The following ZNF385D variants were observed in gnomAD, a reference collection of about 807,000 sequenced individuals.
ZNF385D encodes zinc finger protein 659.
ZNF385D carries 15 observed loss-of-function variants against 35.8 expected under a neutral mutation model. The ratio of observed to expected loss-of-function variants is 0.42; its 90% CI spans 0.28 to 0.64. The LOEUF (loss-of-function observed/expected upper bound fraction) is 0.64, where lower values mean the gene tolerates loss of function less well. Among genes scored for constraint, ZNF385D ranks in the 30% least tolerant of loss-of-function variants. The pLI is 0.23. For missense variants in ZNF385D, 474 were observed against 494.6 expected, an observed-to-expected ratio of 0.96 and a Z score of 0.39; for synonymous variants, 212 against 186.8, an observed-to-expected ratio of 1.13 and a Z score of -1.10.
At chr3:21,962,399 A>G (rs2125321484) in intron 3 of ZNF385D, among the ~76,000 whole-genome samples, 1 of 152,314 alleles carries the variant, frequency 6.6e-6, no homozygotes, top group South Asian at 2.1e-4. Flanking sequence ...CTTATGGAGA[A>G]AAGTTCACTG....
intron 2 of ZNF385D, among the ~76,000 whole-genome samples, chr3:22,253,811 G>A (rs1700179182): frequency 6.8e-6 from 1 of 147,974 alleles, no homozygotes; most frequent in South Asian, 2.1e-4. Context: ...GCCAAACATT[G>A]CTATAACAAG....
intron 1 of ZNF385D, among the ~76,000 whole-genome samples, chr3:21,677,231 G>C (rs920834715): frequency 6.6e-6 from 1 of 152,038 alleles, no homozygotes; most frequent in East Asian, 1.9e-4. Context: ...GCTTTTGGGA[G>C]GGTCCCTGGG....
intron 1 of ZNF385D, among the ~76,000 whole-genome samples, chr3:21,697,821 A>C (rs536903993): frequency 6.6e-6 from 1 of 152,292 alleles, no homozygotes; most frequent in African/African-American, 2.4e-5. Flanking sequence ...AAAGGACATA[A>C]AAGCGACCTG....
chr3:21,808,682 C>G lies in ZNF385D; in HGVS notation c.326-143654G>C, dbSNP rs145022492. Reference sequence around the variant, plus strand: ...AGGGGCAAATCACCTCTTTTCCCAACTAGAGAGTAGGGGAAGGGTTATGGA... The same window carrying G: ...AGGGGCAAATCACCTCTTTTCCCAAGTAGAGAGTAGGGGAAGGGTTATGGA... On this transcript the variant is annotated intron_variant, in intron 3 of 5. Transcript: ENST00000494108. 1.1e-3 allele frequency among the ~76,000 whole-genome samples: 167 copies of G among 152,304 alleles called. 1 individual carries two copies. Among genetic ancestry groups the G allele is most frequent in the Non-Finnish European group, 2.1e-3 (142 of 68,036 alleles).
intron 3 of ZNF385D, among the ~76,000 whole-genome samples, chr3:21,833,006 T>C (rs1007141174): frequency 2.6e-5 from 4 of 152,172 alleles, no homozygotes; most frequent in African/African-American, 9.6e-5. Flanking sequence ...CCACAGCTTC[T>C]TTCCAATGGT....
At chr3:21,928,942 AC>A (rs1355773611) in intron 3 of ZNF385D, among the ~76,000 whole-genome samples, 10 of 152,194 alleles carry the variant, frequency 6.6e-5, no homozygotes, top group Admixed American at 3.9e-4. Context: ...CTTCAAGGAA[AC>A]AGAGAAGGTG....
intron 3 of ZNF385D, among the ~76,000 whole-genome samples, chr3:21,820,615 C>T (rs1213857739): frequency 6.7e-6 from 1 of 149,936 alleles, no homozygotes; most frequent in Non-Finnish European, 1.5e-5. Flanking sequence ...AATAAAGATA[C>T]ATGAAAAATA....
At chr3:22,021,512 C>T (rs549573667) in intron 3 of ZNF385D, among the ~76,000 whole-genome samples, 4 of 152,192 alleles carry the variant, frequency 2.6e-5, no homozygotes, top group African/African-American at 4.8e-5. Context: ...CCACCGCTAA[C>T]TATATTTATG....
At chr3:21,877,043 C>T (rs1329589716) in intron 3 of ZNF385D, among the ~76,000 whole-genome samples, 2 of 152,052 alleles carry the variant, frequency 1.3e-5, no homozygotes, top group African/African-American at 2.4e-5. Context: ...TGCAGTAAAA[C>T]ACCATTACTG....
At chr3:22,033,638 C>A (rs1358584295) in intron 3 of ZNF385D, among the ~76,000 whole-genome samples, 2 of 151,842 alleles carry the variant, frequency 1.3e-5, no homozygotes, top group Non-Finnish European at 2.9e-5. Flanking sequence ...AAACTAAAAT[C>A]ACTCGATGAA....
chr3:21,582,120 A>C (rs576072554), intron 2 of ZNF385D, among the ~76,000 whole-genome samples: 11 of 152,162 alleles, frequency 7.2e-5, no homozygotes, highest in Non-Finnish European at 1.2e-4. Flanking sequence ...ATGGTATCCT[A>C]TATGTTATAG....
intron 3 of ZNF385D, among the ~76,000 whole-genome samples, chr3:21,948,259 GAAAC>G (rs1292608225): frequency 1.3e-5 from 2 of 151,516 alleles, no homozygotes; most frequent in Non-Finnish European, 2.9e-5. Context: ...TAATTTAAGA[GAAAC>G]AAAGCATTCC....
intron 1 of ZNF385D, among the ~76,000 whole-genome samples, chr3:21,706,831 G>C (rs1188621063): frequency 9.1e-6 from 1 of 109,510 alleles, no homozygotes; most frequent in Non-Finnish European, 1.9e-5. Context: ...TAGATAGATA[G>C]ATAGATAGAT....
At chr3:22,145,326 T>TA (rs1445116806) in intron 3 of ZNF385D, among the ~76,000 whole-genome samples, 18 of 152,214 alleles carry the variant, frequency 1.2e-4, no homozygotes, top group African/African-American at 4.3e-4. Flanking sequence ...ATGTTGAAGA[T>TA]ACAGAGGTTA....
chr3:21,988,419 T>C (rs1233153623), intron 3 of ZNF385D, among the ~76,000 whole-genome samples: 1 of 130,806 alleles, frequency 7.6e-6, no homozygotes, highest in Non-Finnish European at 1.7e-5. Context: ...TCTGTTGGAA[T>C]ACCCTGCCGT....
intron 3 of ZNF385D, among the ~76,000 whole-genome samples, chr3:22,022,577 G>A (rs2125458057): frequency 6.6e-6 from 1 of 152,228 alleles, no homozygotes; most frequent in African/African-American, 2.4e-5. Context: ...ATAAATTCCT[G>A]TTTGGCAAAT....
intron 3 of ZNF385D, among the ~76,000 whole-genome samples, chr3:21,862,278 G>A (rs569756677): frequency 3.3e-5 from 5 of 150,266 alleles, no homozygotes; most frequent in South Asian, 2.1e-4. Context: ...AAGTACTTGA[G>A]GCAGGATATC....
intron 3 of ZNF385D, among the ~76,000 whole-genome samples, chr3:21,841,381 A>T (rs2125787400): frequency 6.6e-6 from 1 of 152,110 alleles, no homozygotes; most frequent in Admixed American, 6.6e-5. Flanking sequence ...GATCCTTTGA[A>T]TTCTCCTGAG....
At chr3:21,898,124 T>C (rs1699226845) in intron 3 of ZNF385D, among the ~76,000 whole-genome samples, 1 of 152,186 alleles carries the variant, frequency 6.6e-6, no homozygotes, top group Non-Finnish European at 1.5e-5. Flanking sequence ...TCCATCCCTC[T>C]AGCATTTAAG....
Sources: allele counts gnomAD v4.1 joint callset (sites outside exome capture counted in the v4.1 genomes callset), GRCh38; gene constraint gnomAD v4.1.1; transcripts MANE v1.5; gene names NCBI Gene and HGNC (gene_info 2026-07-23, HGNC 2026-07-21).